HECW1: variants seen among roughly 807,000 people sequenced by gnomAD.
HECW1 encodes HECT, C2 and WW domain containing E3 ubiquitin protein ligase 1, also known as E3 ubiquitin-protein ligase HECW1.
HECW1 carries 61 observed loss-of-function variants against 182.3 expected under a neutral mutation model. That is an observed-to-expected ratio of 0.33 (90% CI 0.27 to 0.41). The LOEUF (loss-of-function observed/expected upper bound fraction) is 0.41, where lower values mean the gene tolerates loss of function less well. Among genes scored for constraint, HECW1 ranks in the 10% least tolerant of loss-of-function variants. The probability of loss-of-function intolerance (pLI) is 1.00; values close to 1 mark genes in which losing one functional copy is unlikely to be tolerated. For synonymous variants in HECW1, 859 were observed against 832.6 expected, an observed-to-expected ratio of 1.03 and a Z score of -0.55; for missense variants, 1,739 against 2,108.9, an observed-to-expected ratio of 0.82 and a Z score of 3.44.
At chr7:43,536,234 GATAA>G in intron 24 of HECW1, among the ~76,000 whole-genome samples, 1 of 152,208 alleles carries the variant, frequency 6.6e-6, no homozygotes, top group East Asian at 1.9e-4. Context: ...ATCTCTAATT[GATAA>G]ATAAATAGAA....
In HECW1 at chr7:43,293,242, GAAAAGAAAA is replaced by G. The variant is rs1805639634; in HGVS notation, c.28-18511_28-18503del. The stretch of plus-strand genomic sequence containing the variant: ...CTCAAAAAAAAAAAAAAAAAGAAAA[GAAAAGAAAA>G]AAAAGAAAATGAAAGTACACTCCAC... On this transcript the variant is annotated intron_variant, in intron 3 of 29. Coordinates refer to ENST00000395891, the MANE Select transcript of HECW1 (RefSeq NM_015052.5). Among the ~76,000 whole-genome samples the G allele has an allele frequency of 8.4e-5, 12 of 143,386 alleles. No individual in the cohort carries two copies. In the South Asian group the frequency reaches 1.1e-3, roughly 13 times the overall value. The allele number at this position is 143,386 out of a possible 152,430, so 94.1% of individuals were successfully genotyped here.
At chr7:43,147,093 T>A (rs1373445744) in intron 2 of HECW1, among the ~76,000 whole-genome samples, 1 of 152,250 alleles carries the variant, frequency 6.6e-6, no homozygotes, top group African/African-American at 2.4e-5. Flanking sequence ...TGTGAAAGAC[T>A]ATTAAAGTTG....
chr7:43,319,351 G>C (rs11532707), intron 4 of HECW1, among the ~76,000 whole-genome samples: 139,702 of 139,818 alleles, frequency 1, 69,794 homozygotes, highest in Middle Eastern at 1. Context: ...TGCGCCACTG[G>C]AGTCCGCAGT....
chr7:43,273,033 C>T (rs571919308), intron 3 of HECW1, among the ~76,000 whole-genome samples: 7 of 152,114 alleles, frequency 4.6e-5, no homozygotes, highest in South Asian at 2.1e-4. Context: ...ATGCATGCAG[C>T]GGGAGGCCAT....
Position 43,550,516 on chromosome 7 carries a change from C to A in HECW1, c.4320C>A (p.Ile1440=). The change falls in exon 27 of 30, where the codon ATC becomes ATA. Residue 1440 remains isoleucine, a synonymous_variant. Transcript: ENST00000395891. The part of the protein sequence containing the change: ...QVTEKNKKEY[I]ERMVKWRVER... ...CGGAGAAAAACAAGAAGGAGTACAT[C>A]GAGCGCATGGTGAAGTGGCGGGTGG... is the stretch of plus-strand genomic sequence containing the variant. 1 of 1,614,018 alleles carries A rather than the reference C, an allele frequency of 6.2e-7. No homozygotes were observed. Among genetic ancestry groups the A allele is most frequent in the Non-Finnish European group, 8.5e-7 (1 of 1,179,964 alleles).
chr7:43,335,159 T>G (rs887381865), intron 5 of HECW1, among the ~76,000 whole-genome samples: 7 of 151,932 alleles, frequency 4.6e-5, no homozygotes, highest in East Asian at 1.9e-4. Flanking sequence ...GCAGAAAGAG[T>G]TCAGGAACAT....
Position 43,451,678 on chromosome 7 carries a change from A to C in HECW1, c.2500+749A>C, listed in dbSNP as rs1294446759. Among the ~76,000 whole-genome samples the C allele has an allele frequency of 2.0e-5, 3 of 152,334 alleles. No homozygotes were observed. The East Asian group carries it at 5.8e-4, about 29-fold the overall frequency. ...TAGATACCATTCTAGCTTTAACTTC[A>C]TAATACTCCATTTAATAAATTTATA... On this transcript the variant is annotated intron_variant, in intron 12 of 29. Coordinates refer to ENST00000395891, the MANE Select transcript of HECW1 (RefSeq NM_015052.5).
chr7:43,237,138 G>GGT (rs1562714812), intron 2 of HECW1, among the ~76,000 whole-genome samples: 35 of 126,110 alleles, frequency 2.8e-4, no homozygotes, highest in African/African-American at 9.7e-4. Context: ...AGGAAGGAAG[G>GGT]AAGTAGGTAG....
At chr7:43,174,864 CT>C (rs1281690686) in intron 2 of HECW1, among the ~76,000 whole-genome samples, 1 of 152,144 alleles carries the variant, frequency 6.6e-6, no homozygotes, top group Non-Finnish European at 1.5e-5. Context: ...TGCTGTGCCC[CT>C]AACAGCAACT....
Position 43,126,169 on chromosome 7 carries a change from C to A in HECW1, c.-32+11778C>A, listed in dbSNP as rs116169570. 4.5e-3 allele frequency among the ~76,000 whole-genome samples: 617 copies of A among 137,330 alleles called. 4 individuals are homozygous for A. Among genetic ancestry groups the A allele is most frequent in the African/African-American group, 0.016 (581 of 36,754 alleles). The allele number at this position is 137,330 out of a possible 152,430, so 90.1% of individuals were successfully genotyped here. ...CTACCAGCTTGAGTCTCCTTGGATT[C>A]TTAGGGATTGCTCCTTCCCTTTTAT... On this transcript the variant is annotated intron_variant, in intron 2 of 29. Coordinates refer to ENST00000395891, the MANE Select transcript of HECW1 (RefSeq NM_015052.5).
At chr7:43,370,269 T>A (rs1355532423) in intron 6 of HECW1, among the ~76,000 whole-genome samples, 1 of 152,142 alleles carries the variant, frequency 6.6e-6, no homozygotes, top group South Asian at 2.1e-4. Context: ...CAACAATATA[T>A]GTCATTAGAG....
chr7:43,346,034 G>A (rs1033045837), intron 5 of HECW1, among the ~76,000 whole-genome samples: 1 of 152,114 alleles, frequency 6.6e-6, no homozygotes, highest in African/African-American at 2.4e-5. Flanking sequence ...TGGATCAAAT[G>A]GTAGTTCTAT....
At chr7:43,403,227 A>G (rs1166742836) in intron 7 of HECW1, among the ~76,000 whole-genome samples, 1 of 152,250 alleles carries the variant, frequency 6.6e-6, no homozygotes, top group Non-Finnish European at 1.5e-5. Context: ...GGAGATACCC[A>G]GGGAAAATGA....
intron 26 of HECW1, among the ~76,000 whole-genome samples, chr7:43,547,902 A>G (rs1359188874): frequency 3.3e-5 from 5 of 152,264 alleles, no homozygotes; most frequent in African/African-American, 1.2e-4. Flanking sequence ...TCAGTAAACA[A>G]GAAAGATCAC....
At chr7:43,244,555 G>C (rs562471268) in intron 3 of HECW1, among the ~76,000 whole-genome samples, 1 of 152,178 alleles carries the variant, frequency 6.6e-6, no homozygotes, top group South Asian at 2.1e-4. Context: ...GGTTTGTGCC[G>C]AATGAGCTCC....
chr7:43,370,385 C>G (rs1817184148), intron 6 of HECW1, among the ~76,000 whole-genome samples: 1 of 152,204 alleles, frequency 6.6e-6, no homozygotes, highest in African/African-American at 2.4e-5. Context: ...AACAGGAACT[C>G]TCATTCATTG....
intron 6 of HECW1, among the ~76,000 whole-genome samples, chr7:43,383,720 G>C (rs1235558188): frequency 6.6e-6 from 1 of 152,148 alleles, no homozygotes; most frequent in African/African-American, 2.4e-5. Context: ...AACAACACAG[G>C]AGTTTAGGGC....
intron 3 of HECW1, among the ~76,000 whole-genome samples, chr7:43,265,047 G>A (rs1801625206): frequency 6.6e-6 from 1 of 152,026 alleles, no homozygotes; most frequent in African/African-American, 2.4e-5. Context: ...AAAACAAAAT[G>A]GACAGAAAGT....
chr7:43,550,481 A>T lies in HECW1; in HGVS notation c.4285A>T (p.Thr1429Ser). 1 of 1,614,182 alleles carries T rather than the reference A, an allele frequency of 6.2e-7. No homozygotes were observed. The highest frequency in any genetic ancestry group is 8.5e-7 in the Non-Finnish European group (1 of 1,180,030). ...ERELKSGGAN[T>S]QVTEKNKKEY... ...GGAGTTGAAGTCTGGAGGAGCCAAC[A>T]CACAGGTGACGGAGAAAAACAAGAA... The change falls in exon 27 of 30, where the codon ACA becomes TCA. Residue 1429 changes from threonine (T) to serine (S), a missense_variant. By Grantham distance (58) the Thr-to-Ser change is moderately conservative. Around this residue, in one of 5 missense-constraint regions of HECW1, gnomAD observed 420 missense variants for 595.7 expected, o/e 0.71. Coordinates refer to ENST00000395891, the MANE Select transcript of HECW1 (RefSeq NM_015052.5).
Sources: gnomAD v4.1 joint callset for allele counts (sites outside exome capture counted in the v4.1 genomes callset) on GRCh38, gnomAD v4.1.1 for gene constraint, gnomAD v4.1.1 regional missense constraint, MANE v1.5 for transcripts, NCBI Gene and HGNC (gene_info 2026-07-23, HGNC 2026-07-21) for gene names.